Variants in NFATC2IP observed in about 807,000 individuals in gnomAD.
NFATC2IP encodes nuclear factor of activated T cells 2 interacting protein.
NFATC2IP carries 25 observed loss-of-function variants against 40.2 expected under a neutral mutation model. The ratio of observed to expected loss-of-function variants is 0.62; its 90% CI spans 0.45 to 0.87. The LOEUF is 0.87. Ranked by LOEUF, NFATC2IP falls within the 40% of genes least tolerant of loss-of-function variation. The pLI is 0.00. For synonymous variants in NFATC2IP, 241 were observed against 236.3 expected (o/e 1.02, Z -0.18); for missense variants, 553 against 555.6 (o/e 1.00, Z 0.05).
intron 7 of NFATC2IP, among the ~76,000 whole-genome samples, chr16:28,962,388 A>T (rs1965098019): frequency 6.6e-6 from 1 of 152,182 alleles, no homozygotes; most frequent in African/African-American, 2.4e-5. Flanking sequence ...AGGAATCACC[A>T]CATGTTCAAC....
At chr16:28,962,102 C>T (rs1444929422) in intron 7 of NFATC2IP, among the ~76,000 whole-genome samples, 4 of 151,580 alleles carry the variant, frequency 2.6e-5, no homozygotes, top group African/African-American at 9.7e-5. Context: ...GACGGGGTCT[C>T]ACTATGTTGC....
chr16:28,954,616 C>T lies in NFATC2IP; in HGVS notation c.512C>T (p.Pro171Leu), dbSNP rs758827674. ...SGLYHEGSPS[P>L]GSPWKTKLRT... The stretch of plus-strand genomic sequence containing the variant: ...CTCTACCATGAGGGCTCCCCATCAC[C>T]AGGCTCTCCCTGGAAGACAAAGCTG... The change falls in exon 3 of 8, where the codon CCA becomes CTA. Residue 171 changes from proline to leucine, a missense_variant. Coordinates refer to ENST00000320805, the MANE Select transcript of NFATC2IP (RefSeq NM_032815.4). The T allele has an allele frequency of 6.2e-7, 1 of 1,614,080 alleles. No individual in the cohort carries two copies. The highest frequency in any genetic ancestry group is 8.5e-7 in the Non-Finnish European group (1 of 1,179,966).
chr16:28,952,384 A>G (rs776691835), intron 2 of NFATC2IP, 180 bp downstream of exon 2: 1 of 992,056 alleles, frequency 1.0e-6, no homozygotes, highest in South Asian at 1.7e-5. Flanking sequence ...GTATTAATGT[A>G]TACATTTCTG....
intron 5 of NFATC2IP, chr16:28,956,903 A>G (rs1965028340): frequency 1.3e-5 from 2 of 153,844 alleles, no homozygotes. Context: ...ATGATAACAG[A>G]CATTACCATT....
At chr16:28,957,219 A>C (rs1036599691) in intron 5 of NFATC2IP, 2 of 151,810 alleles carry the variant, frequency 1.3e-5, no homozygotes, top group African/African-American at 4.8e-5. Context: ...TTTTTAGTGG[A>C]GGCAGGGCTT....
chr16:28,963,253 A>C (rs1965106727), intron 7 of NFATC2IP, among the ~76,000 whole-genome samples: 1 of 152,202 alleles, frequency 6.6e-6, no homozygotes, highest in African/African-American at 2.4e-5. Flanking sequence ...TAAGACCACA[A>C]GGTGTCTTCT....
chr16:28,951,266 G>T lies in NFATC2IP; in HGVS notation c.255G>T (p.Arg85=). The T allele has an allele frequency of 2.0e-6, 3 of 1,480,350 alleles. No individual in the cohort carries two copies. The highest frequency in any genetic ancestry group is 2.7e-6 in the Non-Finnish European group (3 of 1,109,920). The allele number at this position is 1,480,350 out of a possible 1,614,324, so 91.7% of individuals were successfully genotyped here. A position where few individuals can be genotyped will look rare whatever the true frequency, so the allele number is the denominator to read the frequency against. Residue 85 remains arginine (R), a synonymous_variant, in exon 1 of 8, where the codon CGG becomes CGT. Transcript: ENST00000320805. ...AGCCCCCGGGGCCGGTCGCGTCCCG[G>T]GATAACAGCAACAGTGACAGCGAAG... The part of the protein sequence containing the change: ...PPEPPGPVAS[R]DNSNSDSEGE...
intron 5 of NFATC2IP, chr16:28,957,598 A>G (rs565587061): frequency 1.3e-5 from 2 of 152,006 alleles, no homozygotes; most frequent in East Asian, 2.0e-4. Context: ...AGCTGTGATC[A>G]TGCCACTGCA....
At chr16:28,961,327 A>G (rs1351046936) in intron 7 of NFATC2IP, among the ~76,000 whole-genome samples, 1,019 of 41,420 alleles carry the variant, frequency 0.025, 23 homozygotes, top group African/African-American at 0.13. Context: ...CCCTATCTGA[A>G]AAAAAAAAAA....
rs1322146076 is a variant in NFATC2IP at position 28,964,788 on chromosome 16, G to T, written c.*925G>T. On this transcript the variant is annotated 3_prime_UTR_variant, in exon 8 of 8. Coordinates refer to ENST00000320805, the MANE Select transcript of NFATC2IP (RefSeq NM_032815.4). ...TAGCCCCATTGACTCTTCTAGAAAT[G>T]CAGTATTGCTTTGACCTGCCATGTG... The T allele has an allele frequency of 6.6e-6, 1 of 152,242 alleles. No homozygotes were observed. The highest frequency in any genetic ancestry group is 1.5e-5 in the Non-Finnish European group (1 of 68,038). 9.4% of individuals were successfully genotyped at this position (152,242 alleles called of 1,614,324 possible). A position where few individuals can be genotyped will look rare whatever the true frequency, so the allele number is the denominator to read the frequency against.
In NFATC2IP at chr16:28,951,419, G is replaced by A. The variant is rs1339660791; in HGVS notation, c.387+21G>A. The A allele has an allele frequency of 2.7e-5, 37 of 1,382,366 alleles. No homozygotes were observed. The South Asian group carries it at 6.0e-4, about 22-fold the overall frequency. The allele number at this position is 1,382,366 out of a possible 1,614,324, so 85.6% of individuals were successfully genotyped here. ...GGAAGGTGCGCCCGGTCCCGGGGAGGGGACCGGCGGAAGGGCCAAGGGCTT... is the reference window on the plus strand; with the variant it reads ...GGAAGGTGCGCCCGGTCCCGGGGAGAGGACCGGCGGAAGGGCCAAGGGCTT... On this transcript the variant is annotated intron_variant, in intron 1 of 7. Coordinates refer to ENST00000320805, the MANE Select transcript of NFATC2IP (RefSeq NM_032815.4).
rs143448860 is a variant in NFATC2IP at position 28,952,147 on chromosome 16, C to T, written c.403C>T (p.Arg135Cys). The change falls in exon 2 of 8, where the codon CGC becomes TGC. Residue 135 changes from arginine to cysteine, a missense_variant. By Grantham distance (180) the Arg-to-Cys change is radical. Coordinates refer to ENST00000320805, the MANE Select transcript of NFATC2IP (RefSeq NM_032815.4). ...VYSGKVKSSL[R>C]LIPDDLSLLK... ...GTCTTTGCAGGTTAAAAGCAGCCTT[C>T]GCCTTATCCCAGATGATCTATCCCT... 5 of 1,613,940 alleles carry T rather than the reference C, an allele frequency of 3.1e-6. No individual in the cohort carries two copies. The highest frequency in any genetic ancestry group is 2.2e-5 in the East Asian group (1 of 44,874).
chr16:28,952,191 A>G lies in NFATC2IP; in HGVS notation c.447A>G (p.Pro149=). 6.2e-7 allele frequency: 1 copy of G among 1,613,478 alleles called. No individual in the cohort carries two copies. The change falls in exon 2 of 8, where the codon CCA becomes CCG. Residue 149 remains proline, a synonymous_variant. Transcript: ENST00000320805. ...DDLSLLKLYP[P]GDEEEAELAD... ...TATCCCTCCTGAAACTCTACCCTCC[A>G]GGGGATGAGGAAGGTAAGGGAGGGC...
intron 2 of NFATC2IP, 33 bp downstream of exon 2, chr16:28,952,237 C>T (rs768439679): frequency 1.9e-6 from 3 of 1,612,420 alleles, no homozygotes; most frequent in Non-Finnish European, 8.5e-7. Context: ...AGGCACGCAG[C>T]CGCTGGCTTC....
intron 5 of NFATC2IP, chr16:28,956,963 G>A (rs1036651485): frequency 7.2e-5 from 11 of 152,140 alleles, no homozygotes; most frequent in African/African-American, 2.4e-4. Flanking sequence ...GCTGCAAACT[G>A]GCAGCCCATG....
At chr16:28,951,839 A>G (rs1233150587) in intron 1 of NFATC2IP, among the ~76,000 whole-genome samples, 1 of 151,990 alleles carries the variant, frequency 6.6e-6, no homozygotes, top group Non-Finnish European at 1.5e-5. Flanking sequence ...CGTGTGAGCA[A>G]TGGGCTGAGA....
rs552575217 is a variant in NFATC2IP, at chr16:28,955,340, G to T, written c.579-638G>T. ...GCCTGTAATCCCAGCACTTTGGGAC[G>T]CCAAGGGGAGTGAATCACTTGAGCC... On this transcript the variant is annotated intron_variant, in intron 3 of 7. Coordinates refer to ENST00000320805, the MANE Select transcript of NFATC2IP (RefSeq NM_032815.4). Among the ~76,000 whole-genome samples, 29 of 152,272 alleles carry T rather than the reference G, an allele frequency of 1.9e-4. No homozygotes were observed. The South Asian group carries it at 4.3e-3, about 23-fold the overall frequency.
chr16:28,954,750 C>A, intron 3 of NFATC2IP, 68 bp downstream of exon 3: 1 of 935,214 alleles, frequency 1.1e-6, no homozygotes, highest in Non-Finnish European at 1.7e-6. Flanking sequence ...CGGAGGCAGG[C>A]AGGACTCTTG....
At chr16:28,951,780 G>A (rs907880472) in intron 1 of NFATC2IP, among the ~76,000 whole-genome samples, 2 of 152,030 alleles carry the variant, frequency 1.3e-5, no homozygotes, top group African/African-American at 2.4e-5. Context: ...GGGTCCATGC[G>A]GGTTCAGAGA....
Sources: gnomAD v4.1 joint callset for allele counts (sites outside exome capture counted in the v4.1 genomes callset) on GRCh38, gnomAD v4.1.1 for gene constraint, MANE v1.5 for transcripts, NCBI Gene and HGNC (gene_info 2026-07-23, HGNC 2026-07-21) for gene names.